Variants in COL12A1 observed in about 807,000 individuals in gnomAD.
COL12A1 encodes the protein collagen type XII alpha 1 chain.
Under a neutral mutation model 349.7 loss-of-function variants are expected in COL12A1, and 114 were observed. The observed-to-expected ratio is 0.33, with a 90% confidence interval of 0.28 to 0.38. The LOEUF is 0.38. COL12A1 is among the 10% of genes least tolerant of loss of function. The pLI is 1.00. For synonymous variants in COL12A1, 1,369 were observed against 1,329.0 expected (o/e 1.03, Z -0.66); for missense variants, 3,284 against 3,756.9 (o/e 0.87, Z 3.29).
chr6:75,147,090 C>T (rs1441272804), intron 23 of COL12A1, among the ~76,000 whole-genome samples: 12 of 152,178 alleles, frequency 7.9e-5, no homozygotes, highest in Admixed American at 7.9e-4. Context: ...ACCCCAAAAG[C>T]GCTACTCAAA....
intron 43 of COL12A1, among the ~76,000 whole-genome samples, chr6:75,122,910 G>GTA (rs1210117816): frequency 6.6e-6 from 1 of 152,178 alleles, no homozygotes; most frequent in African/African-American, 2.4e-5. Context: ...TTTTAGCATT[G>GTA]TATAATCCAG....
chr6:75,087,375 A>G (rs923406031), intron 65 of COL12A1: 3 of 533,070 alleles, frequency 5.6e-6, no homozygotes, highest in Admixed American at 3.8e-5. Flanking sequence ...AAACATGGGG[A>G]AAAAAGAAAA....
At chr6:75,101,561 C>T (rs1383452151) in intron 58 of COL12A1, 39 bp downstream of exon 58, 2 of 1,589,888 alleles carry the variant, frequency 1.3e-6, no homozygotes, top group African/African-American at 2.7e-5. Context: ...CATATGACAT[C>T]ATTTCCAACA....
intron 49 of COL12A1, among the ~76,000 whole-genome samples, chr6:75,115,541 T>C (rs558749377): frequency 1.3e-5 from 2 of 152,298 alleles, no homozygotes; most frequent in Non-Finnish European, 2.9e-5. Context: ...GGGTCAGTAA[T>C]CTGTTACCAG....
At chr6:75,202,272 T>C (rs1770568476) in intron 2 of COL12A1, among the ~76,000 whole-genome samples, 1 of 152,198 alleles carries the variant, frequency 6.6e-6, no homozygotes, top group African/African-American at 2.4e-5. Context: ...TCTTTTATTG[T>C]GTTCTGTCAC....
intron 60 of COL12A1, among the ~76,000 whole-genome samples, chr6:75,092,861 A>G (rs1005407299): frequency 6.6e-6 from 1 of 152,180 alleles, no homozygotes; most frequent in Non-Finnish European, 1.5e-5. Flanking sequence ...ATGCCTAGCT[A>G]TCTGACCTCA....
At chr6:75,177,553 A>T (rs571203139) in intron 12 of COL12A1, 110 bp downstream of exon 12, 1 of 1,386,558 alleles carries the variant, frequency 7.2e-7, no homozygotes, top group East Asian at 2.3e-5. Flanking sequence ...AACATACTCA[A>T]ACAATTGAAA....
At chr6:75,121,281 C>T (rs760331011) in intron 44 of COL12A1, 21 bp downstream of exon 44, 1 of 1,551,588 alleles carries the variant, frequency 6.4e-7, no homozygotes, top group Non-Finnish European at 8.8e-7. Context: ...AATGAGTAGC[C>T]ACTGGCGGAA....
chr6:75,091,633 G>A, intron 60 of COL12A1, 108 bp from the exon 61 acceptor site: 1 of 1,033,312 alleles, frequency 9.7e-7, no homozygotes, highest in Non-Finnish European at 1.5e-6. Context: ...TAAAGCATTA[G>A]CAAAATGACA....
intron 43 of COL12A1, among the ~76,000 whole-genome samples, chr6:75,122,370 C>T (rs977745452): frequency 6.6e-6 from 1 of 152,088 alleles, no homozygotes; most frequent in African/African-American, 2.4e-5. Flanking sequence ...TCGGTTGTAA[C>T]AAACGTACCA....
chr6:75,154,618 A>G, intron 16 of COL12A1, 81 bp from the exon 17 acceptor site: 1 of 1,391,698 alleles, frequency 7.2e-7, no homozygotes, highest in Non-Finnish European at 9.7e-7. Context: ...TGTTAAAGAC[A>G]TTTTTCTTGA....
At chr6:75,189,403 T>C (rs1769806879) in intron 6 of COL12A1, 22 bp from the exon 7 acceptor site, 2 of 1,609,356 alleles carry the variant, frequency 1.2e-6, no homozygotes, top group Admixed American at 1.7e-5. Flanking sequence ...AGAAACATGT[T>C]CATTTACTCT....
rs1428509788 is a variant in COL12A1 at position 75,148,429 on chromosome 6, T to C, written c.4216A>G (p.Thr1406Ala). The C allele has an allele frequency of 2.5e-6, 4 of 1,613,402 alleles. No homozygotes were observed. In the African/African-American group the frequency reaches 5.3e-5, roughly 22 times the overall value. ...RTHRSFRVSW[T>A]PPSDSVDRYK... The stretch of plus-strand genomic sequence containing the variant: ...CGATCCACACTGTCAGAAGGTGGTG[T>C]CCAGCTCACTCTAAAAGAACGATGG... Residue 1406 changes from threonine to alanine, a missense_variant, in exon 22 of 66, where the codon ACA becomes GCA. Thr to Ala is a moderately conservative substitution (Grantham distance 58). This residue lies in a region of COL12A1 where 2,601 missense variants were observed against 2,824.8 expected (regional missense o/e 0.92). Coordinates refer to ENST00000322507, the MANE Select transcript of COL12A1 (RefSeq NM_004370.6).
intron 51 of COL12A1, among the ~76,000 whole-genome samples, chr6:75,109,771 C>T (rs1246557807): frequency 2.0e-5 from 3 of 152,046 alleles, no homozygotes; most frequent in Admixed American, 6.6e-5. Context: ...CTACTGAAGA[C>T]ACACAGAATG....
At position 75,181,188 on chromosome 6, in the gene COL12A1, T is replaced by G; in HGVS notation, c.1915A>C (p.Ser639Arg). 2.5e-6 allele frequency: 4 copies of G among 1,605,324 alleles called. No homozygotes were observed. The East Asian group carries it at 9.0e-5, about 36-fold the overall frequency. Residue 639 changes from serine to arginine, a missense_variant, in exon 11 of 66, where the codon AGT becomes CGT. By Grantham distance (110) the Ser-to-Arg change is moderately radical. Around this residue, in one of 2 missense-constraint regions of COL12A1, gnomAD observed 2,601 missense variants for 2,824.8 expected, o/e 0.92. Transcript: ENST00000322507. ...KKAYVPPKDL[S>R]FSEVTSYGFK... is the part of the protein sequence containing the mutation. ...CCATAAGAAGTCACTTCTGAAAAAC[T>G]AAGATCCTTTGGAGGGACGTAAGCT...
In COL12A1 at chr6:75,119,346, A is replaced by C. The variant is rs201950823; in HGVS notation, c.7210+4T>G. 9 of 1,612,296 alleles carry C rather than the reference A, an allele frequency of 5.6e-6. No homozygotes were observed. The highest frequency in any genetic ancestry group is 1.3e-5 in the African/African-American group (1 of 74,848). ...GAAGAGTAAAGGTCTACATATACAC[A>C]TACCTGTTCTTGTGTTTCCTCCTCT... On this transcript the variant is annotated splice_donor_region_variant and intron_variant, in intron 45 of 65. Coordinates refer to ENST00000322507, the MANE Select transcript of COL12A1 (RefSeq NM_004370.6).
At chr6:75,166,593 A>G (rs1271571869) in intron 13 of COL12A1, among the ~76,000 whole-genome samples, 1 of 152,188 alleles carries the variant, frequency 6.6e-6, no homozygotes, top group African/African-American at 2.4e-5. Context: ...TAAATGTAAG[A>G]TAAATATACA....
chr6:75,146,132 A>T lies in COL12A1; in HGVS notation c.4530T>A (p.Val1510=). 1 of 1,611,304 alleles carries T rather than the reference A, an allele frequency of 6.2e-7. No homozygotes were observed. Among genetic ancestry groups the T allele is most frequent in the Non-Finnish European group, 8.5e-7 (1 of 1,178,990 alleles). The change falls in exon 24 of 66, where the codon GTT becomes GTA. Residue 1510 remains valine, a synonymous_variant. Transcript: ENST00000322507. The part of the protein sequence containing the change: ...ATGYILSYKP[V]KDTEPTRPKE... ...TGGGTCTTGTTGGCTCTGTGTCCTTAACAGGTTTGTATGACAAGATGTAGC... is the reference window on the plus strand; with the variant it reads ...TGGGTCTTGTTGGCTCTGTGTCCTTTACAGGTTTGTATGACAAGATGTAGC...
intron 1 of COL12A1, 60 bp from the exon 2 acceptor site, chr6:75,202,887 AG>A: frequency 8.6e-7 from 1 of 1,162,748 alleles, no homozygotes; most frequent in African/African-American, 1.5e-5. Flanking sequence ...GAACCAGGTT[AG>A]AACTGGAGCC....
Sources: allele counts gnomAD v4.1 joint callset (sites outside exome capture counted in the v4.1 genomes callset), GRCh38; gene constraint gnomAD v4.1.1; regional missense constraint gnomAD v4.1.1; transcripts MANE v1.5; gene names NCBI Gene and HGNC (gene_info 2026-07-23, HGNC 2026-07-21).